TRAPPC9: variants seen among roughly 807,000 people sequenced by gnomAD.
TRAPPC9 encodes IKK2 binding protein.
TRAPPC9 carries 83 observed loss-of-function variants against 124.0 expected under a neutral mutation model. The ratio of observed to expected loss-of-function variants is 0.67; its 90% CI spans 0.56 to 0.80. TRAPPC9 has a LOEUF of 0.80. TRAPPC9 is among the 30% of genes least tolerant of loss of function. TRAPPC9 has a pLI of 0.00. For missense variants in TRAPPC9, 1,302 were observed against 1,508.3 expected, an observed-to-expected ratio of 0.86 and a Z score of 2.27; for synonymous variants, 638 against 617.5, an observed-to-expected ratio of 1.03 and a Z score of -0.49.
At chr8:139,809,308 G>A (rs1824274128) in intron 21 of TRAPPC9, among the ~76,000 whole-genome samples, 1 of 151,952 alleles carries the variant, frequency 6.6e-6, no homozygotes, top group Admixed American at 6.5e-5. Flanking sequence ...CACTGACTAA[G>A]TGAGCACGGG....
intron 21 of TRAPPC9, among the ~76,000 whole-genome samples, chr8:139,789,679 C>T (rs962261692): frequency 3.3e-5 from 5 of 152,162 alleles, no homozygotes; most frequent in African/African-American, 7.2e-5. Flanking sequence ...TCTTTGCTCC[C>T]GAGTGCCCTG....
At chr8:139,948,288 C>T (rs1277445458) in intron 19 of TRAPPC9, among the ~76,000 whole-genome samples, 3 of 120,640 alleles carry the variant, frequency 2.5e-5, no homozygotes, top group Non-Finnish European at 1.9e-5. Context: ...CACACACACA[C>T]ACACACACTG....
chr8:139,935,892 C>T (rs1380735683), intron 19 of TRAPPC9, among the ~76,000 whole-genome samples: 1 of 152,198 alleles, frequency 6.6e-6, no homozygotes, highest in Non-Finnish European at 1.5e-5. Context: ...CACACAGATG[C>T]CACACTAGTC....
chr8:140,430,617 T>A (rs2132575794), intron 4 of TRAPPC9, among the ~76,000 whole-genome samples: 1 of 152,286 alleles, frequency 6.6e-6, no homozygotes, highest in East Asian at 1.9e-4. Flanking sequence ...TCTGCATCCC[T>A]CAAGTTCATG....
chr8:139,959,557 C>A (rs373301132), intron 19 of TRAPPC9, among the ~76,000 whole-genome samples: 25 of 152,292 alleles, frequency 1.6e-4, no homozygotes, highest in African/African-American at 5.8e-4. Flanking sequence ...AAGAGCACTG[C>A]CAGGGTCCAC....
chr8:140,015,977 A>G (rs1418749253), intron 18 of TRAPPC9, among the ~76,000 whole-genome samples: 1 of 152,170 alleles, frequency 6.6e-6, no homozygotes, highest in Non-Finnish European at 1.5e-5. Flanking sequence ...TGCATGTTCC[A>G]CAGAGCTCAA....
chr8:139,791,354 C>T (rs1483240833), intron 21 of TRAPPC9, among the ~76,000 whole-genome samples: 2 of 149,818 alleles, frequency 1.3e-5, no homozygotes, highest in Non-Finnish European at 3.0e-5. Flanking sequence ...CTCACACAGG[C>T]GCTCATCTCC....
intron 21 of TRAPPC9, among the ~76,000 whole-genome samples, chr8:139,753,943 G>A (rs113111384): frequency 0.031 from 4,696 of 152,284 alleles, 227 homozygotes; most frequent in African/African-American, 0.11. Flanking sequence ...GGTTGTTTGT[G>A]CATCCCAATC....
intron 21 of TRAPPC9, among the ~76,000 whole-genome samples, chr8:139,771,467 A>C (rs964740375): frequency 6.6e-6 from 1 of 152,108 alleles, no homozygotes; most frequent in Non-Finnish European, 1.5e-5. Flanking sequence ...CTACTCATCC[A>C]TGCCTCTGAA....
In TRAPPC9 at chr8:140,370,874, C is replaced by T. The variant is rs185120750; in HGVS notation, c.1351+90G>A. 812 of 1,460,158 alleles carry T rather than the reference C, an allele frequency of 5.6e-4. 2 individuals are homozygous for T. The African/African-American group carries it at 8.8e-3, about 16-fold the overall frequency. The allele number at this position is 1,460,158 out of a possible 1,614,324, so 90.5% of individuals were successfully genotyped here. A position where few individuals can be genotyped will look rare whatever the true frequency, so the allele number is the denominator to read the frequency against. ...ATTCTGGAGCCACCAGCACCAACCA[C>T]GATGTCTGCCACTCAGGGCAGGGGC... On this transcript the variant is annotated intron_variant, in intron 8 of 22. Coordinates refer to ENST00000438773, the MANE Select transcript of TRAPPC9 (RefSeq NM_001160372.4).
intron 21 of TRAPPC9, among the ~76,000 whole-genome samples, chr8:139,866,540 G>A (rs28553945): frequency 6.4e-4 from 98 of 152,290 alleles, no homozygotes; most frequent in African/African-American, 2.2e-3. Flanking sequence ...TAGGAGTGTG[G>A]GAAGGGCTGG....
Position 139,730,513 on chromosome 8 carries a change from C to A in TRAPPC9, c.*548G>T, listed in dbSNP as rs1271150410. On this transcript the variant is annotated 3_prime_UTR_variant, in exon 23 of 23. Transcript: ENST00000438773. ...GTGGAGGGCCTCTCTTGGCATCAAC[C>A]ATCCACGACCTCCTACGGCACCATC... 3 of 156,016 alleles carry A rather than the reference C, an allele frequency of 1.9e-5. No homozygotes were observed. The East Asian group carries it at 5.7e-4, about 30-fold the overall frequency. 9.7% of individuals were successfully genotyped at this position (156,016 alleles called of 1,614,324 possible).
chr8:139,928,171 G>A (rs1354447894), intron 19 of TRAPPC9, among the ~76,000 whole-genome samples: 2 of 152,144 alleles, frequency 1.3e-5, no homozygotes, highest in Admixed American at 6.5e-5. Context: ...TAAACCACTG[G>A]AGAAGTGTGT....
At position 140,323,984 on chromosome 8, in the gene TRAPPC9, T is replaced by C. The variant is rs2066669839; in HGVS notation, c.1496-12610A>G. ...TTAGTGGTAATTTCTGAGATGTTGGTGCACCCATTACCCTAGCGATATACG... is the reference window on the plus strand; with the variant it reads ...TTAGTGGTAATTTCTGAGATGTTGGCGCACCCATTACCCTAGCGATATACG... On this transcript the variant is annotated intron_variant, in intron 9 of 22. Coordinates refer to ENST00000438773, the MANE Select transcript of TRAPPC9 (RefSeq NM_001160372.4). Among the ~76,000 whole-genome samples the C allele has an allele frequency of 2.0e-5, 3 of 152,216 alleles. No individual in the cohort carries two copies. In the South Asian group the frequency reaches 6.2e-4, roughly 32 times the overall value.
chr8:139,772,823 T>C (rs1821069671), intron 21 of TRAPPC9, among the ~76,000 whole-genome samples: 1 of 151,688 alleles, frequency 6.6e-6, no homozygotes, highest in African/African-American at 2.4e-5. Context: ...CGGACTGGTG[T>C]CATTATAAGA....
intron 7 of TRAPPC9, among the ~76,000 whole-genome samples, chr8:140,388,883 G>A (rs954130468): frequency 1.3e-5 from 2 of 148,928 alleles, no homozygotes; most frequent in Non-Finnish European, 3.0e-5. Flanking sequence ...GGACTGATTC[G>A]TGCTACAACA....
intron 21 of TRAPPC9, among the ~76,000 whole-genome samples, chr8:139,792,751 G>A (rs547158907): frequency 2.6e-3 from 394 of 152,366 alleles, no homozygotes; most frequent in African/African-American, 8.2e-3. Context: ...CTGGACCCAC[G>A]GCCGGCGAGG....
chr8:140,265,029 G>A (rs1233734936), intron 15 of TRAPPC9, among the ~76,000 whole-genome samples: 4 of 152,174 alleles, frequency 2.6e-5, no homozygotes, highest in Non-Finnish European at 5.9e-5. Flanking sequence ...CATCACGCCA[G>A]CTGAACAGAG....
intron 17 of TRAPPC9, among the ~76,000 whole-genome samples, chr8:140,147,299 T>A (rs2061477408): frequency 6.6e-6 from 1 of 152,218 alleles, no homozygotes; most frequent in Non-Finnish European, 1.5e-5. Context: ...CTCCTCTGGG[T>A]CAACCCTAAT....
Sources: allele counts gnomAD v4.1 joint callset (sites outside exome capture counted in the v4.1 genomes callset), GRCh38; gene constraint gnomAD v4.1.1; transcripts MANE v1.5; gene names NCBI Gene and HGNC (gene_info 2026-07-23, HGNC 2026-07-21).